The following NOL4 variants were observed in gnomAD, a reference collection of about 807,000 sequenced individuals.
The protein encoded by NOL4 is cancer/testis antigen 125.
A neutral mutation model predicts 75.9 loss-of-function variants in NOL4; 17 were observed. The observed-to-expected ratio is 0.22, with a 90% CI of 0.15 to 0.34. NOL4 has a LOEUF of 0.34. Ranked by LOEUF, NOL4 falls within the 10% of genes least tolerant of loss-of-function variation. The pLI is 1.00. For synonymous variants in NOL4, 292 were observed against 289.9 expected (o/e 1.01, Z -0.07); for missense variants, 614 against 793.5 (o/e 0.77, Z 2.72).
chr18:33,862,934 G>T (rs1237876341), intron 10 of NOL4, among the ~76,000 whole-genome samples: 5 of 152,184 alleles, frequency 3.3e-5, no homozygotes, highest in Non-Finnish European at 4.4e-5. Flanking sequence ...TATACCCAAA[G>T]GACGATAAAT....
At position 33,992,539 on chromosome 18, in the gene NOL4, A is replaced by G. The variant is rs188471552; in HGVS notation, c.1056+26779T>C. ...AGTAATAACAGTGAGAGTCTGTGGT[A>G]TTTGAACCAAGATCACTCTCACAAC... On this transcript the variant is annotated intron_variant, in intron 6 of 10. Coordinates refer to ENST00000261592, the MANE Select transcript of NOL4 (RefSeq NM_003787.5). Among the ~76,000 whole-genome samples, 419 of 152,174 alleles carry G rather than the reference A, an allele frequency of 2.8e-3. 1 individual carries two copies. The highest frequency in any genetic ancestry group is 3.3e-3 in the Admixed American group (51 of 15,248).
chr18:34,049,874 C>T (rs1013829747), intron 5 of NOL4, among the ~76,000 whole-genome samples: 2 of 152,118 alleles, frequency 1.3e-5, no homozygotes, highest in African/African-American at 4.8e-5. Flanking sequence ...TTCAATGCCA[C>T]ATTGGCCTTC....
intron 9 of NOL4, among the ~76,000 whole-genome samples, chr18:33,886,120 A>G (rs2064631391): frequency 6.6e-6 from 1 of 152,122 alleles, no homozygotes; most frequent in African/African-American, 2.4e-5. Flanking sequence ...AAAAATCAAA[A>G]CAGTTGAACT....
At chr18:34,062,508 C>G (rs902579813) in intron 5 of NOL4, among the ~76,000 whole-genome samples, 1 of 151,978 alleles carries the variant, frequency 6.6e-6, no homozygotes, top group South Asian at 2.1e-4. Flanking sequence ...ACAGTATGAC[C>G]CTTTCTTCAT....
At chr18:33,905,404 G>A (rs939022707) in intron 9 of NOL4, among the ~76,000 whole-genome samples, 1 of 152,054 alleles carries the variant, frequency 6.6e-6, no homozygotes, top group Admixed American at 6.6e-5. Flanking sequence ...ATCATACTTG[G>A]GTCAGGTCAC....
chr18:33,919,078 TA>T (rs2066887472), intron 9 of NOL4, among the ~76,000 whole-genome samples: 1 of 152,184 alleles, frequency 6.6e-6, no homozygotes, highest in Non-Finnish European at 1.5e-5. Context: ...CAGTGTTTTT[TA>T]GGACTTGTTG....
chr18:33,998,732 C>A (rs1464640784), intron 6 of NOL4, among the ~76,000 whole-genome samples: 1 of 152,052 alleles, frequency 6.6e-6, no homozygotes, highest in East Asian at 1.9e-4. Context: ...GACAAGTGTT[C>A]AATCAATGTT....
At chr18:34,087,949 G>T (rs953561790) in intron 5 of NOL4, among the ~76,000 whole-genome samples, 2 of 151,834 alleles carry the variant, frequency 1.3e-5, no homozygotes, top group African/African-American at 2.4e-5. Flanking sequence ...CTGACATACA[G>T]AGAATTTAAG....
intron 10 of NOL4, among the ~76,000 whole-genome samples, chr18:33,882,673 A>C (rs2064367654): frequency 6.6e-6 from 1 of 151,462 alleles, no homozygotes; most frequent in Non-Finnish European, 1.5e-5. Context: ...CTAGAACTGG[A>C]AATACCATTT....
At chr18:34,024,194 A>AAAAAATATATATAT in intron 5 of NOL4, among the ~76,000 whole-genome samples, 44 of 70,668 alleles carry the variant, frequency 6.2e-4, no homozygotes, top group African/African-American at 2.2e-3. Flanking sequence ...AAAAAAAAAA[A>AAAAAATATATATAT]ATATATATAT....
Position 33,994,479 on chromosome 18 carries a change from T to C in NOL4, c.1056+24839A>G, listed in dbSNP as rs73416304. ...AAATGTGTTCTGACTTCAACAAAAA[T>C]TAAATTAGAAATCACAAACTCACAA... On this transcript the variant is annotated intron_variant, in intron 6 of 10. Coordinates refer to ENST00000261592, the MANE Select transcript of NOL4 (RefSeq NM_003787.5). Among the ~76,000 whole-genome samples the C allele has an allele frequency of 7.9e-3, 1,198 of 151,906 alleles. 12 individuals carry two copies. The highest frequency in any genetic ancestry group is 0.027 in the African/African-American group (1,107 of 41,494).
At chr18:33,890,677 T>C (rs975725916) in intron 9 of NOL4, among the ~76,000 whole-genome samples, 14 of 152,130 alleles carry the variant, frequency 9.2e-5, no homozygotes, top group African/African-American at 3.4e-4. Context: ...ATATGTTTCC[T>C]TTTGTACTTA....
intron 10 of NOL4, among the ~76,000 whole-genome samples, chr18:33,875,472 A>G (rs1400568936): frequency 6.6e-6 from 1 of 152,032 alleles, no homozygotes; most frequent in African/African-American, 2.4e-5. Context: ...CATCATTGGT[A>G]GACAGAATAT....
At chr18:33,920,907 G>A (rs536760053) in intron 9 of NOL4, among the ~76,000 whole-genome samples, 6 of 152,332 alleles carry the variant, frequency 3.9e-5, no homozygotes, top group African/African-American at 1.4e-4. Context: ...GACATCATTG[G>A]CGAAGAGGTC....
chr18:34,093,218 T>C (rs1186998424), intron 5 of NOL4, among the ~76,000 whole-genome samples: 2 of 152,158 alleles, frequency 1.3e-5, no homozygotes, highest in Admixed American at 1.3e-4. Context: ...GAGCAAAACA[T>C]GAATTAACTT....
chr18:34,028,240 T>C (rs1300188024), intron 5 of NOL4, among the ~76,000 whole-genome samples: 1 of 152,208 alleles, frequency 6.6e-6, no homozygotes, highest in South Asian at 2.1e-4. Context: ...TAAAGCGCAG[T>C]AGATTCTATT....
chr18:34,068,642 C>A (rs369882457), intron 5 of NOL4, among the ~76,000 whole-genome samples: 54 of 152,126 alleles, frequency 3.5e-4, no homozygotes, highest in African/African-American at 1.3e-3. Flanking sequence ...TCATGTCCAC[C>A]CACCTCGGCC....
At chr18:34,168,076 A>G (rs1337236717) in intron 1 of NOL4, among the ~76,000 whole-genome samples, 1 of 152,004 alleles carries the variant, frequency 6.6e-6, no homozygotes, top group Non-Finnish European at 1.5e-5. Context: ...ATAATGAAAG[A>G]ATTTTCTATA....
rs1166649933 is a variant in NOL4, at chr18:33,957,666, A to AAC, written c.1237-151_1237-150dup. On this transcript the variant is annotated intron_variant, in intron 7 of 10. Transcript: ENST00000261592. ...AATGGAAAGCCAGAAATTTTAAGCAAACACTCTTTAAAGACTTTCTAAATG... is the reference window on the plus strand; with the variant it reads ...AATGGAAAGCCAGAAATTTTAAGCAAACACACTCTTTAAAGACTTTCTAAATG... 5.0e-5 allele frequency: 27 copies of AAC among 544,176 alleles called. No homozygotes were observed. In the Admixed American group the frequency reaches 8.8e-4, roughly 18 times the overall value. The allele number at this position is 544,176 out of a possible 1,614,324, so 33.7% of individuals were successfully genotyped here.
Sources: allele counts gnomAD v4.1 joint callset (sites outside exome capture counted in the v4.1 genomes callset), GRCh38; gene constraint gnomAD v4.1.1; transcripts MANE v1.5; gene names NCBI Gene and HGNC (gene_info 2026-07-23, HGNC 2026-07-21).